The following LOC400499 variants were observed in gnomAD, a reference collection of about 807,000 sequenced individuals.
chr16:11,423,628 A>T, the LOC400499 span, among the ~76,000 whole-genome samples: 1 of 152,196 alleles, frequency 6.6e-6, no homozygotes, highest in Non-Finnish European at 1.5e-5. Context: ...AGCCCTGCTC[A>T]CTCACATTCC....
chr16:11,378,516 G>C, the LOC400499 span, among the ~76,000 whole-genome samples: 1 of 152,076 alleles, frequency 6.6e-6, no homozygotes, highest in African/African-American at 2.4e-5. Flanking sequence ...TGCCCACCTC[G>C]GCCTCCCAAA....
the LOC400499 span, among the ~76,000 whole-genome samples, chr16:11,490,103 G>C: frequency 2.4e-4 from 37 of 152,270 alleles, 1 homozygote; most frequent in East Asian, 3.9e-3. Context: ...AAGACAAAAA[G>C]CAAGCAGCAG....
At chr16:11,377,834 C>T in the LOC400499 span, among the ~76,000 whole-genome samples, 1 of 152,138 alleles carries the variant, frequency 6.6e-6, no homozygotes, top group Non-Finnish European at 1.5e-5. Context: ...GTATTCTTTC[C>T]TCAATGTTTT....
chr16:11,372,328 C>A, the LOC400499 span: 6 of 152,298 alleles, frequency 3.9e-5, no homozygotes, highest in Admixed American at 3.9e-4. Flanking sequence ...GACCTGGCTT[C>A]GTGTCCCCCA....
the LOC400499 span, chr16:11,387,138 G>C: frequency 8.1e-7 from 1 of 1,232,182 alleles, no homozygotes; most frequent in African/African-American, 1.6e-5. Flanking sequence ...AGCAGGCGGC[G>C]TCTGAGCCAG....
the LOC400499 span, among the ~76,000 whole-genome samples, chr16:11,376,850 C>G: frequency 1.7e-4 from 26 of 152,162 alleles, no homozygotes; most frequent in African/African-American, 6.3e-4. Context: ...TGTTGTATAA[C>G]CGGTCTCTGG....
At chr16:11,500,314 C>T in the LOC400499 span, among the ~76,000 whole-genome samples, 1 of 151,998 alleles carries the variant, frequency 6.6e-6, no homozygotes, top group Non-Finnish European at 1.5e-5. Flanking sequence ...TCGAGACCAG[C>T]CTGGCCAACA....
At chr16:11,409,528 A>G in the LOC400499 span, among the ~76,000 whole-genome samples, 1 of 152,220 alleles carries the variant, frequency 6.6e-6, no homozygotes, top group Non-Finnish European at 1.5e-5. Flanking sequence ...CTTTACAATA[A>G]AAGTTTGTAG....
the LOC400499 span, chr16:11,488,958 C>A: frequency 2.5e-6 from 1 of 397,238 alleles, no homozygotes; most frequent in South Asian, 1.4e-4. Flanking sequence ...CGACCCCCAT[C>A]CCAGTCCTGC....
chr16:11,484,272 G>A, the LOC400499 span, among the ~76,000 whole-genome samples: 7 of 152,074 alleles, frequency 4.6e-5, no homozygotes, highest in African/African-American at 1.7e-4. Context: ...CTCCCAAAGT[G>A]CTGGGATTAC....
At chr16:11,462,446 T>C in the LOC400499 span, 5 of 1,284,456 alleles carry the variant, frequency 3.9e-6, no homozygotes, top group East Asian at 1.5e-4. Context: ...TTCTTTTTCC[T>C]TGAGACAGAG....
chr16:11,420,597 ACC>A, the LOC400499 span, among the ~76,000 whole-genome samples: 2 of 91,938 alleles, frequency 2.2e-5, no homozygotes, highest in African/African-American at 1.1e-4. Flanking sequence ...ATAATAATAA[ACC>A]CCCCCCCCCG....
the LOC400499 span, among the ~76,000 whole-genome samples, chr16:11,408,336 C>A: frequency 0.33 from 50,388 of 152,010 alleles, 8,670 homozygotes; most frequent in South Asian, 0.38. Context: ...TAGTGATACC[C>A]CTTGTCAAAA....
chr16:11,390,130 G>A, the LOC400499 span: 4 of 1,232,194 alleles, frequency 3.2e-6, no homozygotes, highest in Non-Finnish European at 4.0e-6. Context: ...TACAGGTCCA[G>A]CAGTGGTTTG....
At chr16:11,384,741 T>A in the LOC400499 span, 1 of 643,518 alleles carries the variant, frequency 1.6e-6, no homozygotes, top group Non-Finnish European at 2.2e-6. Flanking sequence ...AGATGAGGAG[T>A]TGAGGGCACA....
At chr16:11,379,197 G>C in the LOC400499 span, among the ~76,000 whole-genome samples, 1 of 152,184 alleles carries the variant, frequency 6.6e-6, no homozygotes, top group Non-Finnish European at 1.5e-5. Context: ...GCAGTGAGCC[G>C]TTATCATGCC....
chr16:11,414,910 C>A, the LOC400499 span, among the ~76,000 whole-genome samples: 1 of 152,218 alleles, frequency 6.6e-6, no homozygotes, highest in South Asian at 2.1e-4. Context: ...TTATTAGGTT[C>A]CTGCTCCCCA....
At chr16:11,477,610 G>C in the LOC400499 span, among the ~76,000 whole-genome samples, 3 of 152,232 alleles carry the variant, frequency 2.0e-5, no homozygotes, top group Non-Finnish European at 4.4e-5. Context: ...GTGTGACCTT[G>C]AACATGTGAC....
chr16:11,396,111 G>A, the LOC400499 span, among the ~76,000 whole-genome samples: 45 of 152,198 alleles, frequency 3.0e-4, no homozygotes, highest in Middle Eastern at 3.2e-3. Context: ...CTATGCCTAC[G>A]ACTATATTTA....
Sources: gnomAD v4.1 joint callset for allele counts (sites outside exome capture counted in the v4.1 genomes callset) on GRCh38, gnomAD v4.1.1 for gene constraint, MANE v1.5 for transcripts.